MSH6: variants seen among roughly 807,000 people sequenced by gnomAD.
MSH6 encodes the protein DNA mismatch repair protein Msh6.
In MSH6, 85 loss-of-function variants were observed where a neutral mutation model predicts 119.1. The ratio of observed to expected loss-of-function variants is 0.71; its 90% CI spans 0.60 to 0.85. The LOEUF (loss-of-function observed/expected upper bound fraction) is 0.85, where lower values mean the gene tolerates loss of function less well. Ranked by LOEUF, MSH6 falls within the 40% of genes least tolerant of loss-of-function variation. MSH6 has a pLI of 0.00. For missense variants in MSH6, 2,163 were observed against 1,655.3 expected (o/e 1.31, Z -5.32); for synonymous variants, 830 against 586.9 (o/e 1.41, Z -5.99).
intron 2 of MSH6, among the ~76,000 whole-genome samples, chr2:47,792,846 GTTTTTTTTTTTTT>G (rs11335797): frequency 3.5e-5 from 4 of 114,428 alleles, no homozygotes; most frequent in Admixed American, 2.8e-4. Context: ...TTTTTATATA[GTTTTTTTTTTTTT>G]TTTTTTTTTT....
rs572328118 is a variant in MSH6 at position 47,788,542 on chromosome 2, C to T, written c.261-2385C>T. On this transcript the variant is annotated intron_variant, in intron 1 of 9. Transcript: ENST00000234420. ...TGCTGGGATTACAGGCGTGAGCCACCGTGCCCAGCCTTTTTCTTTTTCTTT... is the reference window on the plus strand; with the variant it reads ...TGCTGGGATTACAGGCGTGAGCCACTGTGCCCAGCCTTTTTCTTTTTCTTT... 2.2e-4 allele frequency among the ~76,000 whole-genome samples: 33 copies of T among 148,024 alleles called. 1 individual carries two copies. Among genetic ancestry groups the T allele is most frequent in the African/African-American group, 8.2e-4 (33 of 40,368 alleles).
rs150440246 is a variant in MSH6 at position 47,798,925 on chromosome 2, C to G, written c.942C>G (p.Ser314Arg). The change falls in exon 4 of 10, where the codon AGC becomes AGG. Residue 314 changes from serine to arginine, a missense_variant. Coordinates refer to ENST00000234420, the MANE Select transcript of MSH6 (RefSeq NM_000179.3). ...GAAATGGCTCTCTTAAAAGGAAAAG[C>G]TCTAGGAAGGAAACGCCCTCAGCCA... ...VTGNGSLKRKSSRKETPSATK... is the reference protein window; with the variant it reads ...VTGNGSLKRKRSRKETPSATK... 36 of 1,613,998 alleles carry G rather than the reference C, an allele frequency of 2.2e-5. No homozygotes were observed. The African/African-American group carries it at 3.9e-4, about 17-fold the overall frequency.
At chr2:47,784,304 G>T (rs1273414542) in intron 1 of MSH6, 12 of 919,274 alleles carry the variant, frequency 1.3e-5, no homozygotes, top group Non-Finnish European at 1.6e-5. Context: ...AATTCGTGTC[G>T]AGTGGAAAAT....
rs528379382 is a variant in MSH6 at position 47,803,178 on chromosome 2, G to A, written c.3173-242G>A. Among the ~76,000 whole-genome samples, 15 of 152,260 alleles carry A rather than the reference G, an allele frequency of 9.9e-5. No individual in the cohort carries two copies. In the South Asian group the frequency reaches 3.1e-3, roughly 32 times the overall value. Reference sequence around the variant, plus strand: ...TGAACTCTGCCCGCCTAGGCCTCCTGAAGTGCTGGGATTACAGGCGTGAGC... The same window carrying A: ...TGAACTCTGCCCGCCTAGGCCTCCTAAAGTGCTGGGATTACAGGCGTGAGC... On this transcript the variant is annotated intron_variant, in intron 4 of 9. Transcript: ENST00000234420.
At chr2:47,803,813 A>G in intron 5 of MSH6, 128 bp downstream of exon 5, 1 of 969,452 alleles carries the variant, frequency 1.0e-6, no homozygotes, top group East Asian at 2.4e-5. Context: ...AGCAAAGGGA[A>G]ATTACTCCCT....
In MSH6 at chr2:47,799,752, C is replaced by G. The variant is rs587782635; in HGVS notation, c.1769C>G (p.Pro590Arg). 3.1e-6 allele frequency: 5 copies of G among 1,614,012 alleles called. No homozygotes were observed. The highest frequency in any genetic ancestry group is 3.3e-5 in the Admixed American group (2 of 59,994). The part of the protein sequence containing the change: ...SRFRTLVAHY[P>R]PVQVLFEKGN... ...TTTAGGACTCTAGTGGCACACTATCCCCCAGTACAAGTTTTATTTGAAAAA... is the reference window on the plus strand; with the variant it reads ...TTTAGGACTCTAGTGGCACACTATCGCCCAGTACAAGTTTTATTTGAAAAA... Residue 590 changes from proline to arginine, a missense_variant, in exon 4 of 10, where the codon CCC (proline) becomes CGC (arginine). Coordinates refer to ENST00000234420, the MANE Select transcript of MSH6 (RefSeq NM_000179.3).
chr2:47,808,470 T>C, downstream of MSH6: 1 of 1,497,038 alleles, frequency 6.7e-7, no homozygotes, highest in Non-Finnish European at 9.0e-7. Context: ...AACATGTCAT[T>C]AATGCAAAAC....
At chr2:47,802,845 G>T (rs942160866) in intron 4 of MSH6, among the ~76,000 whole-genome samples, 3 of 152,096 alleles carry the variant, frequency 2.0e-5, no homozygotes, top group Admixed American at 6.5e-5. Context: ...TTTCATATCA[G>T]TGTGCCAACT....
chr2:47,796,186 C>A (rs1669079045), intron 3 of MSH6, 123 bp downstream of exon 3: 3 of 953,616 alleles, frequency 3.1e-6, no homozygotes, highest in Non-Finnish European at 5.0e-6. Flanking sequence ...TTTTATTATA[C>A]ATACATGCAT....
intron 2 of MSH6, among the ~76,000 whole-genome samples, chr2:47,791,490 C>G (rs1322337901): frequency 6.6e-6 from 1 of 152,068 alleles, no homozygotes; most frequent in Non-Finnish European, 1.5e-5. Context: ...GAGATGCGCA[C>G]TACCTGGCCT....
At chr2:47,805,472 C>G (rs918976065) in intron 6 of MSH6, 146 bp from the exon 7 acceptor site, 1 of 693,404 alleles carries the variant, frequency 1.4e-6, no homozygotes, top group Admixed American at 2.3e-5. Context: ...GCCACCGTGC[C>G]CGGCCAATAA....
intron 1 of MSH6, 25 bp downstream of exon 1, chr2:47,783,518 A>G (rs267608027): frequency 2.2e-6 from 3 of 1,356,836 alleles, no homozygotes; most frequent in South Asian, 1.8e-5. Flanking sequence ...GTGGGGTCGA[A>G]GGCGGGGGCA....
intron 2 of MSH6, among the ~76,000 whole-genome samples, chr2:47,794,417 G>T (rs1668945191): frequency 6.6e-6 from 1 of 151,700 alleles, no homozygotes; most frequent in Non-Finnish European, 1.5e-5. Context: ...GACTACAGGT[G>T]TGCACCACCA....
downstream of MSH6, chr2:47,807,346 A>G (rs1197927778): frequency 4.7e-6 from 1 of 212,476 alleles, no homozygotes; most frequent in African/African-American, 2.3e-5. Flanking sequence ...TTTGTTTTAC[A>G]GTGCATCCCT....
chr2:47,793,529 C>A (rs1668882164), intron 2 of MSH6, among the ~76,000 whole-genome samples: 1 of 150,612 alleles, frequency 6.6e-6, no homozygotes, highest in South Asian at 2.1e-4. Context: ...ATTGCTTAAA[C>A]CTGGTAGGCG....
chr2:47,789,527 C>T (rs1429650485), intron 1 of MSH6: 1 of 411,666 alleles, frequency 2.4e-6, no homozygotes, highest in South Asian at 1.9e-5. Context: ...AAGCATGAGA[C>T]CTCATACATC....
At chr2:47,792,859 T>G (rs1373274213) in intron 2 of MSH6, among the ~76,000 whole-genome samples, 3 of 143,576 alleles carry the variant, frequency 2.1e-5, no homozygotes, top group Admixed American at 6.7e-5. Flanking sequence ...TTTTTTTTTT[T>G]TTTTTTTTTT....
Position 47,783,249 on chromosome 2 carries a change from A to C in MSH6, c.16A>C (p.Thr6Pro), listed in dbSNP as rs200944853. The C allele has an allele frequency of 5.6e-6, 9 of 1,611,690 alleles. No individual in the cohort carries two copies. In the African/African-American group the frequency reaches 9.4e-5, roughly 17 times the overall value. Residue 6 changes from threonine to proline, a missense_variant, in exon 1 of 10, where the codon ACC (threonine) becomes CCC (proline). Thr to Pro is a conservative substitution (Grantham distance 38, BLOSUM62 -1). Coordinates refer to ENST00000234420, the MANE Select transcript of MSH6 (RefSeq NM_000179.3). MSRQSTLYSFFPKSPA... is the reference protein window; with the variant it reads MSRQSPLYSFFPKSPA... ...GGCTGTCGGTATGTCGCGACAGAGC[A>C]CCCTGTACAGCTTCTTCCCCAAGTC... is the stretch of plus-strand genomic sequence containing the variant.
chr2:47,794,532 A>G (rs1174671761), intron 2 of MSH6, among the ~76,000 whole-genome samples: 1 of 152,080 alleles, frequency 6.6e-6, no homozygotes, highest in African/African-American at 2.4e-5. Flanking sequence ...TTGGCCTCCC[A>G]AAATGCTGGG....
Sources: gnomAD v4.1 joint callset for allele counts (sites outside exome capture counted in the v4.1 genomes callset) on GRCh38, gnomAD v4.1.1 for gene constraint, MANE v1.5 for transcripts, NCBI Gene and HGNC (gene_info 2026-07-23, HGNC 2026-07-21) for gene names.